BBS9: variants seen among roughly 807,000 people sequenced by gnomAD.
BBS9 encodes Bardet-Biedl syndrome 9.
A neutral mutation model predicts 117.7 loss-of-function variants in BBS9; 89 were observed. The observed-to-expected ratio is 0.76, with a 90% CI of 0.64 to 0.90. The LOEUF is 0.90. BBS9 is among the 40% of genes least tolerant of loss of function. BBS9 has a pLI of 0.00. For synonymous variants in BBS9, 379 were observed against 370.9 expected (o/e 1.02, Z -0.25); for missense variants, 982 against 1,042.2 (o/e 0.94, Z 0.80).
At chr7:33,324,036 C>T (rs1021282580) in intron 9 of BBS9, among the ~76,000 whole-genome samples, 1 of 151,954 alleles carries the variant, frequency 6.6e-6, no homozygotes, top group African/African-American at 2.4e-5. Context: ...CGGAGTTTCA[C>T]CATGTTGGCC....
chr7:33,483,455 C>T (rs914137158), intron 19 of BBS9, among the ~76,000 whole-genome samples: 1 of 152,154 alleles, frequency 6.6e-6, no homozygotes, highest in Non-Finnish European at 1.5e-5. Context: ...CACCTTTTTC[C>T]TTCAACAGAT....
intron 21 of BBS9, among the ~76,000 whole-genome samples, chr7:33,573,507 TTTATAGTTCTCCAATTTA>T: frequency 6.6e-6 from 1 of 152,258 alleles, no homozygotes; most frequent in Admixed American, 6.6e-5. Flanking sequence ...TTGTCTAAGC[TTTATAGTTCTCCAATTTA>T]TGGATATACC....
At position 33,534,031 on chromosome 7, in the gene BBS9, T is replaced by G. The variant is rs1032965212; in HGVS notation, c.2376T>G (p.Ala792=). ...TCLSKSSKEQ[A]LNLNSQLNIP... ...TGTCGAAGAGTTCTAAGGAGCAGGC[T>G]TTGAACCTCAACAGCCAGCTGAACA... The change falls in exon 21 of 23, where the codon GCT becomes GCG. Residue 792 remains alanine (A), a synonymous_variant. Transcript: ENST00000242067. 5 of 1,614,084 alleles carry G rather than the reference T, an allele frequency of 3.1e-6. No homozygotes were observed. Among genetic ancestry groups the G allele is most frequent in the Non-Finnish European group, 4.2e-6 (5 of 1,180,042 alleles).
At chr7:33,429,289 A>C (rs1285129787) in intron 19 of BBS9, among the ~76,000 whole-genome samples, 2 of 152,142 alleles carry the variant, frequency 1.3e-5, no homozygotes, top group Admixed American at 1.3e-4. Context: ...GAAATAAAAA[A>C]AAAAAAAATT....
In BBS9 at chr7:33,387,988, G is replaced by A. The variant is rs774532810; in HGVS notation, c.1963-4G>A. On this transcript the variant is annotated splice_polypyrimidine_tract_variant and splice_region_variant and intron_variant, in intron 18 of 22. Coordinates refer to ENST00000242067, the MANE Select transcript of BBS9 (RefSeq NM_198428.3). ...ATCTCAATTTAAGAAATTATTCATT[G>A]CAGCTACGGATAAATGGTGAAAAAT... 5.0e-6 allele frequency: 8 copies of A among 1,613,452 alleles called. No homozygotes were observed. Among genetic ancestry groups the A allele is most frequent in the Admixed American group, 1.7e-5 (1 of 59,978 alleles).
chr7:33,531,318 C>T (rs1432804350), intron 20 of BBS9, among the ~76,000 whole-genome samples: 1 of 152,066 alleles, frequency 6.6e-6, no homozygotes, highest in Non-Finnish European at 1.5e-5. Context: ...GTGGCAAAGA[C>T]CTGGGGCTTA....
exon 22 of BBS9, among the ~76,000 whole-genome samples, chr7:33,635,446 G>C (rs923298373): frequency 1.3e-5 from 2 of 152,240 alleles, no homozygotes; most frequent in Admixed American, 6.5e-5. Context: ...AGGCTGCCAG[G>C]CCTGGGCCCT....
chr7:33,408,059 G>T (rs1830379911), intron 19 of BBS9, among the ~76,000 whole-genome samples: 1 of 152,266 alleles, frequency 6.6e-6, no homozygotes, highest in Admixed American at 6.5e-5. Flanking sequence ...ACAGAGGCAG[G>T]CAGGCCTCCT....
At chr7:33,264,189 T>C in intron 6 of BBS9, 101 bp from the exon 7 acceptor site, 1 of 558,672 alleles carries the variant, frequency 1.8e-6, no homozygotes, top group Non-Finnish European at 2.8e-6. Flanking sequence ...GAAAAAGTGC[T>C]TTATAAAGTT....
At chr7:33,409,620 T>C (rs889685050) in intron 19 of BBS9, among the ~76,000 whole-genome samples, 2 of 152,224 alleles carry the variant, frequency 1.3e-5, no homozygotes, top group African/African-American at 4.8e-5. Flanking sequence ...TTATTTTTCC[T>C]ACCAGCAGTG....
intron 5 of BBS9, among the ~76,000 whole-genome samples, chr7:33,252,764 C>G (rs546487420): frequency 6.6e-6 from 1 of 151,994 alleles, no homozygotes; most frequent in East Asian, 1.9e-4. Flanking sequence ...ATAATATCTT[C>G]CACCGCAGGT....
intron 21 of BBS9, among the ~76,000 whole-genome samples, chr7:33,543,794 C>T (rs1413908091): frequency 6.6e-6 from 1 of 152,118 alleles, no homozygotes; most frequent in Non-Finnish European, 1.5e-5. Flanking sequence ...AATATGTTTT[C>T]CAGGCTTTTA....
rs1491454794 is a variant in BBS9 at position 33,467,032 on chromosome 7, T to TC, written c.2116-38431_2116-38430insC. On this transcript the variant is annotated intron_variant, in intron 19 of 22. Transcript: ENST00000242067. ...TTCATTCTCTCTCTCTCTCTCTCTC[T>TC]TATGACAACCAAACTCCTTACTATG... 4.2e-3 allele frequency among the ~76,000 whole-genome samples: 144 copies of TC among 34,136 alleles called. 1 individual carries two copies. The South Asian group carries it at 0.049, about 12-fold the overall frequency. The allele number at this position is 34,136 out of a possible 152,430, so 22.4% of individuals were successfully genotyped here.
intron 4 of BBS9, chr7:33,157,899 TATC>T (rs746420777): frequency 2.1e-4 from 32 of 152,166 alleles, no homozygotes; most frequent in Non-Finnish European, 4.3e-4. Flanking sequence ...TGGCCTATCT[TATC>T]ATACTCTGGT....
intron 9 of BBS9, among the ~76,000 whole-genome samples, chr7:33,300,664 C>T (rs1806210756): frequency 6.6e-6 from 1 of 151,054 alleles, no homozygotes; most frequent in Non-Finnish European, 1.5e-5. Flanking sequence ...AATACTATCC[C>T]TGTTCTGTGT....
chr7:33,376,275 T>A (rs1314534994), intron 17 of BBS9, among the ~76,000 whole-genome samples: 1 of 152,106 alleles, frequency 6.6e-6, no homozygotes, highest in Non-Finnish European at 1.5e-5. Flanking sequence ...TAAGTGAGAA[T>A]ATGCAGTATT....
At chr7:33,426,241 A>T (rs956938445) in intron 19 of BBS9, among the ~76,000 whole-genome samples, 1 of 152,220 alleles carries the variant, frequency 6.6e-6, no homozygotes, top group African/African-American at 2.4e-5. Context: ...AAAATGGCAA[A>T]TACTTATAAT....
intron 1 of BBS9, among the ~76,000 whole-genome samples, chr7:33,142,047 T>C (rs1791555530): frequency 6.6e-6 from 1 of 152,108 alleles, no homozygotes; most frequent in Non-Finnish European, 1.5e-5. Flanking sequence ...GCCATTCTCC[T>C]GCCTCAGCTT....
chr7:33,389,667 T>C (rs988253883), intron 19 of BBS9, among the ~76,000 whole-genome samples: 3 of 121,582 alleles, frequency 2.5e-5, no homozygotes, highest in Non-Finnish European at 4.8e-5. Context: ...CCAGCCTGGG[T>C]GACAGAGCAA....
Sources: gnomAD v4.1 joint callset for allele counts (sites outside exome capture counted in the v4.1 genomes callset) on GRCh38, gnomAD v4.1.1 for gene constraint, MANE v1.5 for transcripts, NCBI Gene and HGNC (gene_info 2026-07-23, HGNC 2026-07-21) for gene names.